DNAJC5B: variants seen among roughly 807,000 people sequenced by gnomAD.
DNAJC5B encodes the protein dnaJ homolog subfamily C member 5B.
Under a neutral mutation model 24.7 loss-of-function variants are expected in DNAJC5B, and 23 were observed. That is an observed-to-expected ratio of 0.93 (90% CI 0.67 to 1.32). The LOEUF (loss-of-function observed/expected upper bound fraction) is 1.32, where lower values mean the gene tolerates loss of function less well. Ranked by LOEUF, DNAJC5B falls within the 40% of genes most tolerant of loss-of-function variation. DNAJC5B has a pLI of 0.00. For missense variants in DNAJC5B, 238 were observed against 240.8 expected, an observed-to-expected ratio of 0.99 and a Z score of 0.08; for synonymous variants, 101 against 90.1, an observed-to-expected ratio of 1.12 and a Z score of -0.68.
intron 3 of DNAJC5B, among the ~76,000 whole-genome samples, chr8:66,060,335 GC>G (rs1238426840): frequency 6.6e-6 from 1 of 152,136 alleles, no homozygotes; most frequent in Non-Finnish European, 1.5e-5. Flanking sequence ...TTTGTGTCAG[GC>G]TGTACCACTG....
chr8:66,036,498 T>G (rs551515417), intron 1 of DNAJC5B, among the ~76,000 whole-genome samples: 1 of 152,244 alleles, frequency 6.6e-6, no homozygotes, highest in East Asian at 1.9e-4. Context: ...GAGGGCGGCG[T>G]CCTCTCCAGA....
intron 5 of DNAJC5B, among the ~76,000 whole-genome samples, chr8:66,088,762 C>T (rs180910669): frequency 2.3e-4 from 35 of 152,288 alleles, no homozygotes; most frequent in African/African-American, 8.4e-4. Flanking sequence ...GTGACCTTTG[C>T]TTCAGTTCCC....
chr8:66,099,869 T>C (rs1335231485), intron 5 of DNAJC5B, 68 bp from the exon 6 acceptor site: 1 of 1,386,710 alleles, frequency 7.2e-7, no homozygotes, highest in East Asian at 2.4e-5. Context: ...AAAATACCTA[T>C]CACTTGCTTC....
chr8:66,016,367 G>A, the DNAJC5B span, among the ~76,000 whole-genome samples: 1 of 152,174 alleles, frequency 6.6e-6, no homozygotes, highest in African/African-American at 2.4e-5. Context: ...GATAATGAGT[G>A]TGTCTCATGA....
intron 1 of DNAJC5B, among the ~76,000 whole-genome samples, chr8:66,035,676 C>G (rs952976889): frequency 3.9e-5 from 6 of 152,196 alleles, no homozygotes; most frequent in Non-Finnish European, 5.9e-5. Flanking sequence ...CTTCTGACTT[C>G]TGACTTCTGG....
At chr8:66,041,400 T>C (rs1178852774) in intron 1 of DNAJC5B, among the ~76,000 whole-genome samples, 1 of 152,210 alleles carries the variant, frequency 6.6e-6, no homozygotes, top group Non-Finnish European at 1.5e-5. Flanking sequence ...CTGCAGATTC[T>C]GTGGTAGTGC....
chr8:66,065,025 T>A (rs1807160461), intron 3 of DNAJC5B, among the ~76,000 whole-genome samples: 1 of 152,172 alleles, frequency 6.6e-6, no homozygotes, highest in African/African-American at 2.4e-5. Context: ...CCTCATAAAG[T>A]CAAGTTAATA....
chr8:66,058,241 T>C (rs1807008768), intron 3 of DNAJC5B, among the ~76,000 whole-genome samples: 1 of 152,256 alleles, frequency 6.6e-6, no homozygotes, highest in Non-Finnish European at 1.5e-5. Flanking sequence ...TTGATAGATA[T>C]TCAGGTAGTT....
rs531533854 is a variant in DNAJC5B at position 66,073,654 on chromosome 8, G to A, written c.120-3006G>A. The stretch of plus-strand genomic sequence containing the variant: ...GAAGACGTATTTTAAAGCATCACAT[G>A]TTAGACTGTTATTGGCCCAGAAATA... On this transcript the variant is annotated intron_variant, in intron 3 of 5. Coordinates refer to ENST00000276570, the MANE Select transcript of DNAJC5B (RefSeq NM_033105.6). Among the ~76,000 whole-genome samples the A allele has an allele frequency of 3.0e-3, 450 of 152,270 alleles. 2 individuals carry two copies. Among genetic ancestry groups the A allele is most frequent in the African/African-American group, 0.01 (430 of 41,548 alleles).
At chr8:66,084,714 T>A (rs1199323260) in intron 5 of DNAJC5B, among the ~76,000 whole-genome samples, 1 of 152,162 alleles carries the variant, frequency 6.6e-6, no homozygotes, top group Non-Finnish European at 1.5e-5. Flanking sequence ...AAAACACAAT[T>A]ACATTTATAC....
intron 1 of DNAJC5B, among the ~76,000 whole-genome samples, chr8:66,028,744 G>A (rs922225669): frequency 3.3e-5 from 5 of 152,052 alleles, no homozygotes; most frequent in Non-Finnish European, 5.9e-5. Flanking sequence ...CCTGGTCTGG[G>A]CCCTCATCTC....
intron 1 of DNAJC5B, 104 bp from the exon 2 acceptor site, chr8:66,043,384 G>A (rs901644319): frequency 3.3e-5 from 5 of 152,198 alleles, no homozygotes; most frequent in East Asian, 1.9e-4. Context: ...GTCAACAAAG[G>A]ATCAAAAGTG....
chr8:66,026,442 C>T (rs1806245168), intron 1 of DNAJC5B, among the ~76,000 whole-genome samples: 1 of 152,204 alleles, frequency 6.6e-6, no homozygotes, highest in African/African-American at 2.4e-5. Flanking sequence ...AAGATGCAGC[C>T]TTGACAAGTT....
intron 1 of DNAJC5B, among the ~76,000 whole-genome samples, chr8:66,037,663 TCAG>T (rs1466518282): frequency 1.3e-5 from 2 of 152,216 alleles, no homozygotes; most frequent in African/African-American, 4.8e-5. Context: ...CCGATGACAC[TCAG>T]CAGAGAGCAA....
intron 5 of DNAJC5B, among the ~76,000 whole-genome samples, chr8:66,087,567 G>A (rs1369722134): frequency 1.3e-5 from 2 of 152,132 alleles, no homozygotes; most frequent in South Asian, 2.1e-4. Flanking sequence ...TTCTACCTAT[G>A]AGCCTGTAAA....
intron 1 of DNAJC5B, among the ~76,000 whole-genome samples, chr8:66,038,363 G>T (rs1207601531): frequency 1.3e-5 from 2 of 152,148 alleles, no homozygotes; most frequent in African/African-American, 2.4e-5. Context: ...TCAAATATGT[G>T]TCTGTTACTT....
intron 3 of DNAJC5B, 43 bp from the exon 4 acceptor site, chr8:66,076,617 T>A (rs773647011): frequency 6.2e-7 from 1 of 1,606,020 alleles, no homozygotes; most frequent in East Asian, 2.2e-5. Context: ...GGTTCATTCT[T>A]GTCAAATAAC....
upstream of DNAJC5B, among the ~76,000 whole-genome samples, chr8:66,016,959 A>G (rs28605672): frequency 0.47 from 71,360 of 152,052 alleles, 21,529 homozygotes; most frequent in African/African-American, 0.86. Context: ...TCTGAATGGA[A>G]TCACACAAAT....
chr8:66,041,077 T>G (rs1806598251), intron 1 of DNAJC5B, among the ~76,000 whole-genome samples: 1 of 152,202 alleles, frequency 6.6e-6, no homozygotes, highest in African/African-American at 2.4e-5. Context: ...AGCAACCACC[T>G]GTTTTTTCCC....
Sources: allele counts gnomAD v4.1 joint callset (sites outside exome capture counted in the v4.1 genomes callset), GRCh38; gene constraint gnomAD v4.1.1; transcripts MANE v1.5; gene names NCBI Gene and HGNC (gene_info 2026-07-23, HGNC 2026-07-21).